ANO2: variants seen among roughly 807,000 people sequenced by gnomAD.
ANO2 encodes the protein anoctamin-2.
Under a neutral mutation model 124.2 loss-of-function variants are expected in ANO2, and 101 were observed. The observed-to-expected ratio is 0.81, with a 90% CI of 0.69 to 0.96. ANO2 has a LOEUF of 0.96. Ranked by LOEUF, ANO2 falls within the 40% of genes least tolerant of loss-of-function variation. The probability of loss-of-function intolerance (pLI) is 0.00; values close to 1 mark genes in which losing one functional copy is unlikely to be tolerated. For missense variants in ANO2, 1,293 were observed against 1,274.5 expected (o/e 1.01, Z -0.22); for synonymous variants, 486 against 482.5 (o/e 1.01, Z -0.09).
intron 14 of ANO2, among the ~76,000 whole-genome samples, chr12:5,670,574 G>A (rs1396685255): frequency 1.3e-5 from 2 of 152,012 alleles, no homozygotes; most frequent in African/African-American, 2.4e-5. Flanking sequence ...TCACTCTATT[G>A]CCCAGGCTGG....
rs912216806 is a variant in ANO2 at position 5,925,568 on chromosome 12, G to C, written c.23-2764C>G. Reference sequence around the variant, plus strand: ...GGAACGCGAGTGACGCCTGCCCTCAGGAAGGGGAAGGGTGAGGCAGGTGAG... The same window carrying C: ...GGAACGCGAGTGACGCCTGCCCTCACGAAGGGGAAGGGTGAGGCAGGTGAG... On this transcript the variant is annotated intron_variant, in intron 1 of 24. Transcript: ENST00000682330. This position sits in a 1 kb window ranked among gnomAD's most constrained non-coding sequence, Gnocchi z 4.6. Among the ~76,000 whole-genome samples the C allele has an allele frequency of 6.6e-6, 1 of 152,206 alleles. No individual in the cohort carries two copies. The highest frequency in any genetic ancestry group is 1.9e-4 in the East Asian group (1 of 5,194).
intron 14 of ANO2, 101 bp from the exon 15 acceptor site, chr12:5,647,902 T>G: frequency 1.2e-6 from 1 of 846,466 alleles, no homozygotes; most frequent in Non-Finnish European, 2.0e-6. Context: ...TCATTATCAC[T>G]CTATATAGAT....
chr12:5,726,653 C>A (rs1460500285), intron 14 of ANO2, among the ~76,000 whole-genome samples: 4 of 152,218 alleles, frequency 2.6e-5, no homozygotes, highest in African/African-American at 9.7e-5. Context: ...ACCTGTAAAG[C>A]TTTGCACATT....
chr12:5,884,587 A>G (rs963811396), intron 3 of ANO2, among the ~76,000 whole-genome samples: 9 of 152,166 alleles, frequency 5.9e-5, no homozygotes, highest in African/African-American at 2.2e-4. Flanking sequence ...TAACTGAAAC[A>G]CCAGGAAGCC....
intron 14 of ANO2, among the ~76,000 whole-genome samples, chr12:5,727,869 C>T (rs570500809): frequency 1.3e-5 from 2 of 151,654 alleles, no homozygotes; most frequent in African/African-American, 2.4e-5. Flanking sequence ...TGCAGTCGTG[C>T]AATCTCGGCT....
chr12:5,682,338 TC>T (rs1169733102), intron 14 of ANO2, among the ~76,000 whole-genome samples: 4 of 38,080 alleles, frequency 1.1e-4, no homozygotes, highest in Admixed American at 7.6e-4. Flanking sequence ...TCTTTCTCTT[TC>T]TCTCTCTCTC....
At chr12:5,828,019 A>T (rs1181735025) in intron 6 of ANO2, among the ~76,000 whole-genome samples, 199 bp from the exon 7 acceptor site, 1 of 152,192 alleles carries the variant, frequency 6.6e-6, no homozygotes, top group Non-Finnish European at 1.5e-5. Context: ...CAAGGGATGT[A>T]AGGCCCGCGC....
chr12:5,910,795 C>T (rs760255336), intron 3 of ANO2, among the ~76,000 whole-genome samples: 6 of 152,110 alleles, frequency 3.9e-5, no homozygotes, highest in Non-Finnish European at 5.9e-5. Context: ...GCCCCAAGAA[C>T]CACCCTCATC....
intron 10 of ANO2, among the ~76,000 whole-genome samples, chr12:5,796,816 C>T (rs550461684): frequency 4.6e-5 from 7 of 152,188 alleles, no homozygotes; most frequent in Admixed American, 2.0e-4. Context: ...TGAAGGCCTG[C>T]GGAAGGGGAA....
intron 13 of ANO2, 94 bp downstream of exon 13, chr12:5,739,223 A>C (rs1304510424): frequency 8.4e-7 from 1 of 1,184,854 alleles, no homozygotes; most frequent in African/African-American, 1.5e-5. Context: ...GACAGCAAAC[A>C]TACATGGTTA....
At chr12:5,720,007 T>C (rs1950162967) in intron 14 of ANO2, among the ~76,000 whole-genome samples, 1 of 152,220 alleles carries the variant, frequency 6.6e-6, no homozygotes, top group Non-Finnish European at 1.5e-5. Context: ...AGGACATTTT[T>C]TTTTTCAAGC....
chr12:5,763,083 G>A (rs1451004380), intron 10 of ANO2, among the ~76,000 whole-genome samples: 1 of 151,878 alleles, frequency 6.6e-6, no homozygotes, highest in East Asian at 1.9e-4. Context: ...TTAAACTTTT[G>A]TTATATTGAC....
At chr12:5,716,233 T>G (rs1269930228) in intron 14 of ANO2, among the ~76,000 whole-genome samples, 1 of 152,182 alleles carries the variant, frequency 6.6e-6, no homozygotes, top group Admixed American at 6.5e-5. Context: ...AGGGGGCAGG[T>G]GATAAACTCC....
chr12:5,876,398 C>T (rs1196617966), intron 3 of ANO2, among the ~76,000 whole-genome samples: 1 of 152,168 alleles, frequency 6.6e-6, no homozygotes, highest in East Asian at 1.9e-4. Context: ...TAAATTAGTT[C>T]AACCATTGTG....
At chr12:5,820,728 T>A (rs982822868) in intron 7 of ANO2, among the ~76,000 whole-genome samples, 1 of 152,196 alleles carries the variant, frequency 6.6e-6, no homozygotes, top group Admixed American at 6.5e-5. Flanking sequence ...TCCCACCACA[T>A]CCCTCTTCAA....
chr12:5,869,649 C>G (rs1482330743), intron 3 of ANO2, among the ~76,000 whole-genome samples: 1 of 152,078 alleles, frequency 6.6e-6, no homozygotes, highest in African/African-American at 2.4e-5. Flanking sequence ...GGCCAGGACA[C>G]AAACCAGAGA....
At chr12:5,919,139 TG>T (rs1941548274) in intron 3 of ANO2, among the ~76,000 whole-genome samples, 1 of 152,020 alleles carries the variant, frequency 6.6e-6, no homozygotes, top group African/African-American at 2.4e-5. Context: ...CTGAGTGTGA[TG>T]AAGAAAAGTA....
chr12:5,899,970 A>G (rs1395503953), intron 3 of ANO2, among the ~76,000 whole-genome samples: 3 of 152,188 alleles, frequency 2.0e-5, no homozygotes, highest in Admixed American at 2.0e-4. Context: ...TGAATTTAAA[A>G]ATCATTCCAA....
chr12:5,591,452 CT>C (rs1340361366), intron 20 of ANO2, among the ~76,000 whole-genome samples: 1 of 152,216 alleles, frequency 6.6e-6, no homozygotes, highest in Admixed American at 6.5e-5. Context: ...TGTTGACCGA[CT>C]TTAGTCTTCT....
Sources: gnomAD v4.1 joint callset for allele counts (sites outside exome capture counted in the v4.1 genomes callset) on GRCh38, gnomAD v4.1.1 for gene constraint, Gnocchi (gnomAD v3.1) non-coding constraint, MANE v1.5 for transcripts, NCBI Gene and HGNC (gene_info 2026-07-23, HGNC 2026-07-21) for gene names.